Variants in SYNPR observed in about 807,000 individuals in gnomAD.
The protein encoded by SYNPR is synaptoporin.
Under a neutral mutation model 32.9 loss-of-function variants are expected in SYNPR, and 23 were observed. The ratio of observed to expected loss-of-function variants is 0.70; its 90% confidence interval spans 0.50 to 0.99. The LOEUF (loss-of-function observed/expected upper bound fraction) is 0.99, where lower values mean the gene tolerates loss of function less well. Ranked by LOEUF, SYNPR falls within the 50% of genes least tolerant of loss-of-function variation. The pLI, the probability that SYNPR is intolerant of heterozygous loss-of-function variation, is 0.00. For synonymous variants in SYNPR, 146 were observed against 135.9 expected (o/e 1.07, Z -0.52); for missense variants, 318 against 349.3 (o/e 0.91, Z 0.71).
At chr3:63,481,967 A>T (rs967271712) in intron 3 of SYNPR, among the ~76,000 whole-genome samples, 5 of 152,164 alleles carry the variant, frequency 3.3e-5, no homozygotes, top group Non-Finnish European at 7.4e-5. Context: ...GTAACTTAAA[A>T]GTCAATCTCT....
Position 63,532,118 on chromosome 3 carries a change from T to C in SYNPR, c.210-24425T>C, listed in dbSNP as rs536796119. 6.6e-5 allele frequency among the ~76,000 whole-genome samples: 10 copies of C among 152,314 alleles called. No individual in the cohort carries two copies. The East Asian group carries it at 1.9e-3, about 29-fold the overall frequency. On this transcript the variant is annotated intron_variant, in intron 3 of 5. Transcript: ENST00000478300. ...CAATAGAAGACGAATGTAAACAAAA[T>C]ATGAATTTTGTAGGCAAATGGAAAG...
intron 3 of SYNPR, among the ~76,000 whole-genome samples, chr3:63,505,304 T>G (rs1027167809): frequency 1.3e-5 from 2 of 152,180 alleles, no homozygotes; most frequent in African/African-American, 4.8e-5. Flanking sequence ...ACTTAACACC[T>G]TACCGAAGGC....
chr3:63,546,491 G>C (rs186817971), intron 3 of SYNPR, among the ~76,000 whole-genome samples: 2 of 152,116 alleles, frequency 1.3e-5, no homozygotes, highest in African/African-American at 4.8e-5. Flanking sequence ...CTACATGCTG[G>C]GGGTGAGGGG....
intron 2 of SYNPR, among the ~76,000 whole-genome samples, chr3:63,366,247 T>A (rs1232395120): frequency 6.6e-6 from 1 of 152,164 alleles, no homozygotes; most frequent in Non-Finnish European, 1.5e-5. Context: ...ACCGAGGGGT[T>A]TTTTTCCCTA....
chr3:63,209,384 T>TA, the SYNPR span, among the ~76,000 whole-genome samples: 1 of 151,906 alleles, frequency 6.6e-6, no homozygotes. Context: ...AACAAGTCCT[T>TA]ATATCCCAGA....
chr3:63,582,091 C>CA (rs1703103436), intron 4 of SYNPR, among the ~76,000 whole-genome samples: 1 of 139,892 alleles, frequency 7.1e-6, no homozygotes, highest in African/African-American at 2.8e-5. Flanking sequence ...TGCATACTTA[C>CA]CTCCAGAATT....
chr3:63,530,778 A>C (rs532587364), intron 3 of SYNPR, among the ~76,000 whole-genome samples: 35 of 152,296 alleles, frequency 2.3e-4, no homozygotes, highest in Admixed American at 8.5e-4. Context: ...AACTGTCTCC[A>C]GTTTTAAGGA....
chr3:63,394,241 T>C (rs1173442103), intron 2 of SYNPR, among the ~76,000 whole-genome samples: 1 of 152,220 alleles, frequency 6.6e-6, no homozygotes, highest in East Asian at 1.9e-4. Flanking sequence ...TCTTAACCTC[T>C]TTTAATCTAA....
chr3:63,426,482 T>C (rs1367898315), intron 2 of SYNPR, among the ~76,000 whole-genome samples: 3 of 151,962 alleles, frequency 2.0e-5, no homozygotes, highest in Admixed American at 1.3e-4. Flanking sequence ...TCCCAGGCAA[T>C]GGGGGGTATG....
intron 2 of SYNPR, among the ~76,000 whole-genome samples, chr3:63,413,396 G>C (rs2088495591): frequency 1.3e-5 from 2 of 152,118 alleles, no homozygotes; most frequent in African/African-American, 4.8e-5. Context: ...AGATTCGTTT[G>C]GTCTTAAGTT....
chr3:63,236,072 T>A (rs940130353), intron 1 of SYNPR, among the ~76,000 whole-genome samples: 1 of 152,052 alleles, frequency 6.6e-6, no homozygotes. Context: ...GTTTCTTTTT[T>A]TTTTTTCTTT....
chr3:63,525,558 C>G (rs1007455740), intron 3 of SYNPR, among the ~76,000 whole-genome samples: 1 of 152,170 alleles, frequency 6.6e-6, no homozygotes, highest in Non-Finnish European at 1.5e-5. Context: ...CACAGGGACA[C>G]AGAGTTAGCC....
intron 2 of SYNPR, among the ~76,000 whole-genome samples, chr3:63,466,487 T>C (rs1443112125): frequency 6.6e-6 from 1 of 151,836 alleles, no homozygotes; most frequent in Non-Finnish European, 1.5e-5. Context: ...GAATACTTCA[T>C]TATTGGTGTG....
At position 63,340,998 on chromosome 3, in the gene SYNPR, T is replaced by A. The variant is rs2087362068; in HGVS notation, c.84+62256T>A. Among the ~76,000 whole-genome samples, 8 of 152,322 alleles carry A rather than the reference T, an allele frequency of 5.3e-5. No homozygotes were observed. The South Asian group carries it at 1.2e-3, about 24-fold the overall frequency. On this transcript the variant is annotated intron_variant, in intron 2 of 5. Transcript: ENST00000478300. Reference sequence around the variant, plus strand: ...ATTTACAGTGTCATACAGAATAGTTTAATCCCCCTAAAAATCCTCTATGCT... The same window carrying A: ...ATTTACAGTGTCATACAGAATAGTTAAATCCCCCTAAAAATCCTCTATGCT...
At chr3:63,488,228 C>T (rs74908569) in intron 3 of SYNPR, among the ~76,000 whole-genome samples, 5,877 of 152,282 alleles carry the variant, frequency 0.039, 138 homozygotes, top group South Asian at 0.099. Flanking sequence ...AAATGCTGCA[C>T]TTGCAATTAC....
chr3:63,228,980 C>T (rs144042815), intron 1 of SYNPR, among the ~76,000 whole-genome samples: 304 of 152,262 alleles, frequency 2.0e-3, no homozygotes, highest in Non-Finnish European at 3.6e-3. Context: ...TAGATGTTCT[C>T]TAAAGAGCAT....
chr3:63,217,834 C>G, the SYNPR span, among the ~76,000 whole-genome samples: 18 of 152,140 alleles, frequency 1.2e-4, no homozygotes, highest in African/African-American at 3.6e-4. Context: ...TTCTCCAACT[C>G]CACCCAAAAG....
chr3:63,222,011 A>ATTTTTTTTTTGTTTTTTTTTTT, the SYNPR span, among the ~76,000 whole-genome samples: 1 of 56,406 alleles, frequency 1.8e-5, no homozygotes, highest in Non-Finnish European at 3.5e-5. Flanking sequence ...GCCATGCTCA[A>ATTTTTTTTTTGTTTTTTTTTTT]TTTTTTTTTT....
Position 63,578,412 on chromosome 3 carries a change from A to C in SYNPR, c.408+21671A>C, listed in dbSNP as rs544892309. Reference sequence around the variant, plus strand: ...TAAGGAGAGAGTGAGTTAGGTTTAGACAAGTCAAATCAAAGGAGCATAGGT... The same window carrying C: ...TAAGGAGAGAGTGAGTTAGGTTTAGCCAAGTCAAATCAAAGGAGCATAGGT... On this transcript the variant is annotated intron_variant, in intron 4 of 5. Coordinates refer to ENST00000478300, the MANE Select transcript of SYNPR (RefSeq NM_001130003.2). Among the ~76,000 whole-genome samples the C allele has an allele frequency of 7.2e-5, 11 of 152,260 alleles. 1 individual carries two copies. In the South Asian group the frequency reaches 2.3e-3, roughly 32 times the overall value.
Sources: gnomAD v4.1 joint callset for allele counts (sites outside exome capture counted in the v4.1 genomes callset) on GRCh38, gnomAD v4.1.1 for gene constraint, MANE v1.5 for transcripts, NCBI Gene and HGNC (gene_info 2026-07-23, HGNC 2026-07-21) for gene names.